DLG2: variants seen among roughly 807,000 people sequenced by gnomAD.
DLG2 encodes disks large homolog 2.
Under a neutral mutation model 132.5 loss-of-function variants are expected in DLG2, and 45 were observed. The observed-to-expected ratio is 0.34, with a 90% CI of 0.27 to 0.44. The LOEUF is 0.44. DLG2 is among the 20% of genes least tolerant of loss of function. The pLI, the probability that DLG2 is intolerant of heterozygous loss-of-function variation, is 1.00. For missense variants in DLG2, 1,045 were observed against 1,196.9 expected, an observed-to-expected ratio of 0.87 and a Z score of 1.87; for synonymous variants, 424 against 419.6, an observed-to-expected ratio of 1.01 and a Z score of -0.13.
intron 7 of DLG2, among the ~76,000 whole-genome samples, chr11:84,534,225 A>G (rs2099350118): frequency 6.6e-6 from 1 of 152,214 alleles, no homozygotes; most frequent in East Asian, 1.9e-4. Flanking sequence ...TTGTTGGACC[A>G]CGAGTACTGA....
chr11:84,998,778 C>A (rs918049193), intron 6 of DLG2, among the ~76,000 whole-genome samples: 1 of 151,900 alleles, frequency 6.6e-6, no homozygotes, highest in Non-Finnish European at 1.5e-5. Context: ...GGGTCCAATT[C>A]CAACTGCCCA....
In DLG2 at chr11:84,845,074, A is replaced by T. The variant is rs1566128986; in HGVS notation, c.357+266587T>A. On this transcript the variant is annotated intron_variant, in intron 6 of 27. Transcript: ENST00000376104. ...AGCAATGACTATTACATTGCTTTTT[A>T]AAAATATGCCTAAGGGTTAACCACT... Among the ~76,000 whole-genome samples the T allele has an allele frequency of 2.6e-5, 4 of 152,142 alleles. No homozygotes were observed. In the South Asian group the frequency reaches 8.3e-4, roughly 32 times the overall value.
chr11:84,962,505 C>G (rs1007117817), intron 6 of DLG2, among the ~76,000 whole-genome samples: 2 of 152,142 alleles, frequency 1.3e-5, no homozygotes, highest in African/African-American at 4.8e-5. Context: ...CTATGAAGAT[C>G]ACCTGAAATC....
intron 21 of DLG2, among the ~76,000 whole-genome samples, chr11:83,496,063 T>C (rs985516935): frequency 6.6e-6 from 1 of 151,938 alleles, no homozygotes; most frequent in Non-Finnish European, 1.5e-5. Flanking sequence ...TGGGAAACAA[T>C]GTTTGCAATA....
chr11:83,986,859 T>G (rs1300363918), intron 11 of DLG2, among the ~76,000 whole-genome samples: 2 of 152,200 alleles, frequency 1.3e-5, no homozygotes, highest in East Asian at 3.9e-4. Context: ...AAATGTCTTC[T>G]TTTGAGAAGT....
intron 3 of DLG2, among the ~76,000 whole-genome samples, chr11:85,315,114 TAAG>T (rs1282156589): frequency 3.3e-5 from 5 of 151,878 alleles, no homozygotes; most frequent in Non-Finnish European, 7.4e-5. Flanking sequence ...TGTCATAAAA[TAAG>T]ATTCCAGCCT....
chr11:84,664,847 T>C (rs1374751775), intron 6 of DLG2, among the ~76,000 whole-genome samples: 1 of 152,174 alleles, frequency 6.6e-6, no homozygotes, highest in African/African-American at 2.4e-5. Context: ...CTGTTTATGA[T>C]TGTTAACACC....
chr11:84,206,681 G>A (rs1281520679), intron 8 of DLG2, among the ~76,000 whole-genome samples: 1 of 151,926 alleles, frequency 6.6e-6, no homozygotes, highest in East Asian at 1.9e-4. Context: ...TAATCGGACA[G>A]TATCTTTATA....
At chr11:83,895,411 C>T (rs928197201) in intron 15 of DLG2, among the ~76,000 whole-genome samples, 4 of 152,150 alleles carry the variant, frequency 2.6e-5, no homozygotes, top group South Asian at 4.1e-4. Flanking sequence ...CCGCCCGCCT[C>T]GGCTTTCCAA....
intron 3 of DLG2, among the ~76,000 whole-genome samples, chr11:85,398,598 T>G (rs576271485): frequency 2.0e-5 from 3 of 152,020 alleles, no homozygotes; most frequent in Non-Finnish European, 1.5e-5. Context: ...AAAGGGGATA[T>G]CACCACAATC....
intron 8 of DLG2, among the ~76,000 whole-genome samples, chr11:84,237,748 A>G (rs964359222): frequency 6.7e-6 from 1 of 149,490 alleles, no homozygotes; most frequent in Admixed American, 6.7e-5. Flanking sequence ...TTAGAAAAGG[A>G]AAGACACAGC....
At chr11:85,097,958 T>C (rs548890401) in intron 6 of DLG2, among the ~76,000 whole-genome samples, 1 of 152,338 alleles carries the variant, frequency 6.6e-6, no homozygotes, top group Admixed American at 6.5e-5. Context: ...TAATATGTTA[T>C]GTTTGGGCAA....
chr11:84,308,112 T>C (rs1050481860), intron 7 of DLG2, among the ~76,000 whole-genome samples: 2 of 152,170 alleles, frequency 1.3e-5, no homozygotes, highest in Non-Finnish European at 2.9e-5. Flanking sequence ...GGGAGCAGCC[T>C]GCTTTTATTC....
At chr11:85,422,549 G>T (rs1287215932) in intron 3 of DLG2, among the ~76,000 whole-genome samples, 1 of 150,596 alleles carries the variant, frequency 6.6e-6, no homozygotes, top group Admixed American at 6.6e-5. Flanking sequence ...TTTTTTTGGT[G>T]GGGGGGATTT....
intron 3 of DLG2, among the ~76,000 whole-genome samples, chr11:85,360,144 G>A (rs1271503373): frequency 6.6e-6 from 1 of 152,158 alleles, no homozygotes; most frequent in African/African-American, 2.4e-5. Flanking sequence ...AACTCCTGTG[G>A]TATGATTTTT....
rs547333673 is a variant in DLG2 at position 84,774,612 on chromosome 11, TG to T, written c.358-239882del. Among the ~76,000 whole-genome samples, 651 of 152,092 alleles carry T rather than the reference TG, an allele frequency of 4.3e-3. 4 individuals carry two copies. Among genetic ancestry groups the T allele is most frequent in the African/African-American group, 0.015 (617 of 41,518 alleles). Reference sequence around the variant, plus strand: ...GTACAAAAACAGAAACATAGACCAATGGGGCCGAGAACGCAGAAATAAAGCT... The same window carrying T: ...GTACAAAAACAGAAACATAGACCAATGGGCCGAGAACGCAGAAATAAAGCT... On this transcript the variant is annotated intron_variant, in intron 6 of 27. Transcript: ENST00000376104.
rs541153516 is a variant in DLG2, at chr11:85,182,201, G to C, written c.187-27550C>G. 2.0e-5 allele frequency among the ~76,000 whole-genome samples: 3 copies of C among 151,834 alleles called. No individual in the cohort carries two copies. The East Asian group carries it at 5.8e-4, about 29-fold the overall frequency. On this transcript the variant is annotated intron_variant, in intron 4 of 27. Transcript: ENST00000376104. ...TTCATTCTTCACAAATATCTTACGAGGGAACTGTCAACCCATTTTAACATG... is the reference window on the plus strand; with the variant it reads ...TTCATTCTTCACAAATATCTTACGACGGAACTGTCAACCCATTTTAACATG...
At chr11:84,582,392 G>A (rs1005889957) in intron 6 of DLG2, among the ~76,000 whole-genome samples, 5 of 147,228 alleles carry the variant, frequency 3.4e-5, no homozygotes, top group African/African-American at 1.2e-4. Context: ...ATATATTTAG[G>A]GAAAACTCTT....
chr11:83,818,068 C>T (rs1210405235), intron 17 of DLG2, among the ~76,000 whole-genome samples: 1 of 152,174 alleles, frequency 6.6e-6, no homozygotes, highest in Admixed American at 6.5e-5. Flanking sequence ...TCCGTCTTTT[C>T]ACTTTACAGA....
Sources: allele counts gnomAD v4.1 joint callset (sites outside exome capture counted in the v4.1 genomes callset), GRCh38; gene constraint gnomAD v4.1.1; transcripts MANE v1.5; gene names NCBI Gene and HGNC (gene_info 2026-07-23, HGNC 2026-07-21).